The following ISM2 variants were observed in gnomAD, a reference collection of about 807,000 sequenced individuals.
The protein encoded by ISM2 is isthmin-2.
In ISM2, 50 loss-of-function variants were observed where a neutral mutation model predicts 58.0. The observed-to-expected ratio is 0.86, with a 90% CI of 0.69 to 1.09. The LOEUF is 1.09. Ranked by LOEUF, ISM2 falls within the 50% of genes least tolerant of loss-of-function variation. The pLI, the probability that ISM2 is intolerant of heterozygous loss-of-function variation, is 0.00. For synonymous variants in ISM2, 303 were observed against 312.4 expected (o/e 0.97, Z 0.32); for missense variants, 723 against 745.0 (o/e 0.97, Z 0.34).
chr14:77,493,922 C>G (rs887525517), intron 1 of ISM2, among the ~76,000 whole-genome samples: 3 of 152,046 alleles, frequency 2.0e-5, no homozygotes, highest in Non-Finnish European at 2.9e-5. Context: ...CAGGTGCTTG[C>G]TACCATGCCC....
intron 1 of ISM2, among the ~76,000 whole-genome samples, chr14:77,498,056 G>A (rs962283710): frequency 1.1e-4 from 17 of 152,162 alleles, no homozygotes; most frequent in African/African-American, 4.1e-4. Context: ...GGGTTTGACA[G>A]ACCATGGCTT....
chr14:77,497,368 A>AT (rs1491502054), intron 1 of ISM2, among the ~76,000 whole-genome samples: 5 of 30,794 alleles, frequency 1.6e-4, no homozygotes, highest in Non-Finnish European at 9.5e-4. Flanking sequence ...GCTCTGTCTC[A>AT]AAAAAAAAAA....
intron 4 of ISM2, among the ~76,000 whole-genome samples, chr14:77,481,156 C>T (rs8004951): frequency 0.18 from 27,846 of 151,700 alleles, 2,813 homozygotes; most frequent in Middle Eastern, 0.38. Context: ...CCTGGCCAAG[C>T]TGGTGAAACC....
chr14:77,479,909 C>G (rs1416755786), intron 4 of ISM2, among the ~76,000 whole-genome samples: 1 of 152,184 alleles, frequency 6.6e-6, no homozygotes, highest in East Asian at 1.9e-4. Context: ...ATCCTCCAGC[C>G]TCAGCCTCCC....
At chr14:77,478,096 C>A in intron 6 of ISM2, 146 bp downstream of exon 6, 2 of 703,968 alleles carry the variant, frequency 2.8e-6, no homozygotes, top group East Asian at 2.5e-5. Flanking sequence ...GCCAGGGCCC[C>A]CTGTTGGAGA....
intron 1 of ISM2, among the ~76,000 whole-genome samples, chr14:77,490,841 T>C (rs1161002008): frequency 6.6e-6 from 1 of 152,154 alleles, no homozygotes; most frequent in Admixed American, 6.5e-5. Flanking sequence ...TCTCCCTCCC[T>C]GGGGGCTTTT....
At chr14:77,476,180 G>A in intron 6 of ISM2, 68 bp from the exon 7 acceptor site, 2 of 1,472,346 alleles carry the variant, frequency 1.4e-6, no homozygotes, top group Non-Finnish European at 1.8e-6. Flanking sequence ...GGCGGGGACT[G>A]ATTAAGGGCC....
intron 1 of ISM2, among the ~76,000 whole-genome samples, chr14:77,493,001 A>T (rs577771525): frequency 2.0e-5 from 3 of 152,064 alleles, no homozygotes; most frequent in Non-Finnish European, 2.9e-5. Flanking sequence ...ATCTCAAAAA[A>T]AGAAAAAAAA....
intron 1 of ISM2, among the ~76,000 whole-genome samples, chr14:77,497,241 G>T (rs2079248743): frequency 6.6e-6 from 1 of 151,990 alleles, no homozygotes; most frequent in Non-Finnish European, 1.5e-5. Flanking sequence ...GGTGGCAGGC[G>T]CCTGTTATCC....
chr14:77,486,311 GTC>G (rs1338063029), intron 1 of ISM2, among the ~76,000 whole-genome samples: 2 of 152,098 alleles, frequency 1.3e-5, no homozygotes, highest in Non-Finnish European at 2.9e-5. Context: ...AGAATCTTCT[GTC>G]TCTCCCTCTT....
chr14:77,491,741 G>C (rs1180039968), intron 1 of ISM2, among the ~76,000 whole-genome samples: 10 of 138,858 alleles, frequency 7.2e-5, no homozygotes, highest in Non-Finnish European at 9.1e-5. Flanking sequence ...CTGTCACCCA[G>C]GCTGGGGTGC....
In ISM2 at chr14:77,484,296, G is replaced by A. The variant is rs1395032838; in HGVS notation, c.627+27C>T. On this transcript the variant is annotated intron_variant, in intron 3 of 6. Coordinates refer to ENST00000342219, the MANE Select transcript of ISM2 (RefSeq NM_199296.3). ...CCCGCTCCTCTCCGGGTGTCTGCAG[G>A]GCTGCTGGCCCTTCTGTAGCTCTCA... 1.9e-6 allele frequency: 3 copies of A among 1,603,444 alleles called. No individual in the cohort carries two copies. The Admixed American group carries it at 5.1e-5, about 27-fold the overall frequency.
Position 77,498,722 on chromosome 14 carries a change from C to T in ISM2, c.72G>A (p.Ala24=). 4 of 1,483,850 alleles carry T rather than the reference C, an allele frequency of 2.7e-6. No individual in the cohort carries two copies. The South Asian group carries it at 3.8e-5, about 14-fold the overall frequency. The allele number at this position is 1,483,850 out of a possible 1,614,324, so 91.9% of individuals were successfully genotyped here. The stretch of plus-strand genomic sequence containing the variant: ...GCGGCTTCTTCACGGGGAGCCCTAG[C>T]GCCGCCTCCAGCAGCGCCGCCAGCA... ...VLLLAALLEA[A]LGLPVKKPRL... is the part of the protein sequence containing the mutation. Residue 24 remains alanine, a synonymous_variant, in exon 1 of 7, where the codon GCG becomes GCA. Transcript: ENST00000342219.
At chr14:77,496,729 G>A (rs1050707967) in intron 1 of ISM2, among the ~76,000 whole-genome samples, 12 of 147,820 alleles carry the variant, frequency 8.1e-5, no homozygotes, top group East Asian at 4.0e-4. Context: ...CCCGAGAGGC[G>A]GAGGTTGCAG....
In ISM2 at chr14:77,497,782, G is replaced by T. The variant is rs952416431; in HGVS notation, c.141+871C>A. Reference sequence around the variant, plus strand: ...GGGAGGGAGGGAGGGAAGGAAGGAAGGAAGGAAGGAAGGAAGGAAGGAAGG... The same window carrying T: ...GGGAGGGAGGGAGGGAAGGAAGGAATGAAGGAAGGAAGGAAGGAAGGAAGG... On this transcript the variant is annotated intron_variant, in intron 1 of 6. Transcript: ENST00000342219. 2.0e-3 allele frequency among the ~76,000 whole-genome samples: 219 copies of T among 109,894 alleles called. 3 individuals are homozygous for T. The highest frequency in any genetic ancestry group is 8.4e-3 in the African/African-American group (209 of 24,942). 72.1% of individuals were successfully genotyped at this position (109,894 alleles called of 152,430 possible). A position where few individuals can be genotyped will look rare whatever the true frequency, so the allele number is the denominator to read the frequency against.
chr14:77,498,423 G>T (rs889320628), intron 1 of ISM2: 1 of 1,240,072 alleles, frequency 8.1e-7, no homozygotes, highest in Non-Finnish European at 1.1e-6. Flanking sequence ...CACCCGGCTG[G>T]TCCGCGGCAG....
At position 77,478,266 on chromosome 14, in the gene ISM2, T is replaced by C; in HGVS notation, c.1174A>G (p.Asn392Asp). ...CCTTGATCATGCATGTCCGTAGCAT[T>C]GCGGGCCAGGAGCTTCCACTCCTCA... ...PSEEWKLLAR[N>D]ATDMHDQDVD... Residue 392 changes from asparagine to aspartate, a missense_variant, in exon 6 of 7, where the codon AAT (asparagine) becomes GAT (aspartate). By Grantham distance (23) the Asn-to-Asp change is conservative (BLOSUM62 1). Coordinates refer to ENST00000342219, the MANE Select transcript of ISM2 (RefSeq NM_199296.3). 2 of 1,614,122 alleles carry C rather than the reference T, an allele frequency of 1.2e-6. No individual in the cohort carries two copies. Among genetic ancestry groups the C allele is most frequent in the South Asian group, 1.1e-5 (1 of 91,076 alleles).
intron 1 of ISM2, among the ~76,000 whole-genome samples, chr14:77,488,827 G>A (rs773932748): frequency 2.0e-4 from 31 of 152,108 alleles, no homozygotes; most frequent in Non-Finnish European, 4.0e-4. Flanking sequence ...AAAATCACTC[G>A]GCAGGTGTAT....
At chr14:77,497,748 AGGGAGGGAG>A (rs2079253808) in intron 1 of ISM2, among the ~76,000 whole-genome samples, 1 of 55,546 alleles carries the variant, frequency 1.8e-5, no homozygotes, top group African/African-American at 8.2e-5. Flanking sequence ...GGAGGGAGGG[AGGGAGGGAG>A]GGAGGGAGGG....
Sources: allele counts gnomAD v4.1 joint callset (sites outside exome capture counted in the v4.1 genomes callset), GRCh38; gene constraint gnomAD v4.1.1; transcripts MANE v1.5; gene names NCBI Gene and HGNC (gene_info 2026-07-23, HGNC 2026-07-21).